Variants in TP53BP1 observed in about 807,000 individuals in gnomAD.
TP53BP1 encodes the protein TP53-binding protein 1.
A neutral mutation model predicts 200.8 loss-of-function variants in TP53BP1; 61 were observed. The observed-to-expected ratio is 0.30, with a 90% CI of 0.25 to 0.38. TP53BP1 has a LOEUF of 0.38. TP53BP1 is among the 10% of genes least tolerant of loss of function. The pLI, the probability that TP53BP1 is intolerant of heterozygous loss-of-function variation, is 1.00. For synonymous variants in TP53BP1, 822 were observed against 844.3 expected, an observed-to-expected ratio of 0.97 and a Z score of 0.46; for missense variants, 2,144 against 2,371.9, an observed-to-expected ratio of 0.90 and a Z score of 2.00.
rs577551489 is a variant in TP53BP1, at chr15:43,492,769, C to A, written c.7+268G>T. Among the ~76,000 whole-genome samples, 9 of 150,658 alleles carry A rather than the reference C, an allele frequency of 6.0e-5. 1 individual carries two copies. The East Asian group carries it at 1.6e-3, about 26-fold the overall frequency. On this transcript the variant is annotated intron_variant, in intron 1 of 27. Transcript: ENST00000382044. ...CTCCCCGCCCCTTTTTCCATCCCCC[C>A]CGCCACGTCCTTCTGGCGCCTCTAC...
rs1219307958 is a variant in TP53BP1 at position 43,456,002 on chromosome 15, G to T, written c.2606C>A (p.Thr869Lys). ...TGCATTAGCCATTTTTGAGTCTTCT[G>T]TTAATGAATTACTTGTTTTCTCCTG... ...QTQEKTSNSL[T>K]EDSKMANAKQ... Residue 869 changes from threonine to lysine, a missense_variant, in exon 12 of 28, where the codon ACA (threonine) becomes AAA (lysine). Transcript: ENST00000382044. 2.5e-6 allele frequency: 4 copies of T among 1,613,918 alleles called. No individual in the cohort carries two copies. In the East Asian group the frequency reaches 8.9e-5, roughly 36 times the overall value.
chr15:43,472,373 AT>A (rs552764976), intron 10 of TP53BP1, among the ~76,000 whole-genome samples: 69 of 152,334 alleles, frequency 4.5e-4, no homozygotes, highest in African/African-American at 1.6e-3. Context: ...AAATCATAGA[AT>A]TTATTAGAAA....
intron 11 of TP53BP1, among the ~76,000 whole-genome samples, chr15:43,467,651 C>G (rs970016075): frequency 2.6e-5 from 4 of 152,160 alleles, no homozygotes; most frequent in African/African-American, 9.7e-5. Context: ...ACCCCCCCAA[C>G]CAGCAGGAAT....
intron 1 of TP53BP1, among the ~76,000 whole-genome samples, chr15:43,498,231 G>C (rs1325386131): frequency 2.0e-5 from 3 of 152,154 alleles, no homozygotes; most frequent in East Asian, 3.8e-4. Context: ...TATGGTGAAA[G>C]AGGGTATATA....
chr15:43,408,838 C>T, intron 26 of TP53BP1, 59 bp downstream of exon 26: 3 of 1,537,596 alleles, frequency 2.0e-6, no homozygotes, highest in South Asian at 2.2e-5. Context: ...AGATTCTCTT[C>T]CCTCCAAAGC....
intron 21 of TP53BP1, among the ~76,000 whole-genome samples, chr15:43,419,991 T>C (rs1184625009): frequency 6.6e-6 from 1 of 152,188 alleles, no homozygotes; most frequent in East Asian, 1.9e-4. Context: ...TTGACAAACG[T>C]CCCATACTAA....
chr15:43,469,911 G>A lies in TP53BP1; in HGVS notation c.1336C>T (p.Pro446Ser). The A allele has an allele frequency of 6.2e-7, 1 of 1,614,064 alleles. No individual in the cohort carries two copies. Among genetic ancestry groups the A allele is most frequent in the Non-Finnish European group, 8.5e-7 (1 of 1,180,036 alleles). ...GGAAGTGACCCAGGAGGGAAGACTG[G>A]TGTGCTCTGAGATATTGGTGTTGAG... ...QASTPISQSTPVFPPGSLPIP... is the reference protein window; with the variant it reads ...QASTPISQSTSVFPPGSLPIP... The change falls in exon 11 of 28, where the codon CCA becomes TCA. Residue 446 changes from proline (P) to serine (S), a missense_variant. By Grantham distance (74) the Pro-to-Ser change is moderately conservative. Transcript: ENST00000382044.
In TP53BP1 at chr15:43,415,757, G is replaced by A. The variant is rs369627426; in HGVS notation, c.4926C>T (p.Ala1642=). ...TGCTGCTACTGGAGGCAGTAGGGGT[G>A]GCTGGGGAGCTGACGTTACTGCGCC... ...RKRRSNVSSP[A]TPTASSSSST... is the part of the protein sequence containing the mutation. Residue 1642 remains alanine (A), a synonymous_variant, in exon 23 of 28, where the codon GCC becomes GCT. Transcript: ENST00000382044. 1.2e-6 allele frequency: 2 copies of A among 1,614,080 alleles called. No homozygotes were observed. Among genetic ancestry groups the A allele is most frequent in the African/African-American group, 2.7e-5 (2 of 74,922 alleles).
chr15:43,441,261 GAA>G (rs1344327746), intron 15 of TP53BP1: 4 of 326,150 alleles, frequency 1.2e-5, no homozygotes, highest in Non-Finnish European at 2.2e-5. Flanking sequence ...ATCAGCAACA[GAA>G]AAAAGGGGGG....
rs149275471 is a variant in TP53BP1 at position 43,413,913 on chromosome 15, A to C, written c.5090-579T>G. 4.4e-4 allele frequency: 151 copies of C among 344,510 alleles called. 1 individual carries two copies. The highest frequency in any genetic ancestry group is 3.2e-3 in the African/African-American group (146 of 46,238). The allele number at this position is 344,510 out of a possible 1,614,324, so 21.3% of individuals were successfully genotyped here. ...ACTTGGTAATAAAGTGTTTTTACAC[A>C]TAGATGGTGCCACATCAAAATAGCC... On this transcript the variant is annotated intron_variant, in intron 23 of 27. Coordinates refer to ENST00000382044, the MANE Select transcript of TP53BP1 (RefSeq NM_001141980.3).
intron 4 of TP53BP1, among the ~76,000 whole-genome samples, chr15:43,483,233 A>ACAC: frequency 7.0e-6 from 1 of 142,822 alleles, no homozygotes. Flanking sequence ...AAAAGTACAG[A>ACAC]ACACACACAC....
rs746428871 is a variant in TP53BP1, at chr15:43,428,146, G to A, written c.3698C>T (p.Pro1233Leu). ...HSQGEEEFDM[P>L]QPPHGHVLHR... ...TAAGACATGGCCATGTGGAGGCTGAGGCATATCAAACTCTTCTTCTCCCTG... is the reference window on the plus strand; with the variant it reads ...TAAGACATGGCCATGTGGAGGCTGAAGCATATCAAACTCTTCTTCTCCCTG... Residue 1233 changes from proline to leucine, a missense_variant, in exon 18 of 28, where the codon CCT becomes CTT. Transcript: ENST00000382044. The A allele has an allele frequency of 5.6e-6, 9 of 1,613,846 alleles. No homozygotes were observed. The highest frequency in any genetic ancestry group is 5.9e-6 in the Non-Finnish European group (7 of 1,179,868).
chr15:43,406,808 T>C lies in TP53BP1; in HGVS notation c.*575A>G, dbSNP rs1224097189. 5.7e-6 allele frequency: 2 copies of C among 351,018 alleles called. No homozygotes were observed. Among genetic ancestry groups the C allele is most frequent in the Admixed American group, 3.7e-5 (1 of 27,370 alleles). 21.7% of individuals were successfully genotyped at this position (351,018 alleles called of 1,614,324 possible). ...ACGGAAGGTCATTCCATCAAGCTTATGGTCACTGTCCCTTCATGGCAGTTG... is the reference window on the plus strand; with the variant it reads ...ACGGAAGGTCATTCCATCAAGCTTACGGTCACTGTCCCTTCATGGCAGTTG... On this transcript the variant is annotated 3_prime_UTR_variant, in exon 28 of 28. Transcript: ENST00000382044.
In TP53BP1 at chr15:43,409,713, C is replaced by G; in HGVS notation, c.5334G>C (p.Lys1778Asn). 4.5e-6 allele frequency: 7 copies of G among 1,560,316 alleles called. No homozygotes were observed. The highest frequency in any genetic ancestry group is 6.1e-6 in the Non-Finnish European group (7 of 1,155,250). The change falls in exon 25 of 28, where the codon AAG (lysine) becomes AAC (asparagine). Residue 1778 changes from lysine to asparagine, a missense_variant. This residue lies in a region of TP53BP1 where 334 missense variants were observed against 453.4 expected (regional missense o/e 0.74). Transcript: ENST00000382044. ...EEFLEIPPFN[K>N]QYTESQLRAG... ...CTCGAAGCTGGGATTCTGTATACTG[C>G]TTGTTGAAAGGAGGAATTTCCAAAA...
At position 43,413,110 on chromosome 15, in the gene TP53BP1, AG is replaced by A; in HGVS notation, c.5305+8del. On this transcript the variant is annotated splice_region_variant and intron_variant, in intron 24 of 27. Coordinates refer to ENST00000382044, the MANE Select transcript of TP53BP1 (RefSeq NM_001141980.3). Reference sequence around the variant, plus strand: ...GTGTCAGAGCTCCCAGGGCTTCCTAAGGCCTTACCCTCCTCTTCTTCACTGC... The same window carrying A: ...GTGTCAGAGCTCCCAGGGCTTCCTAAGCCTTACCCTCCTCTTCTTCACTGC... 1 of 1,613,962 alleles carries A rather than the reference AG, an allele frequency of 6.2e-7. No individual in the cohort carries two copies. Among genetic ancestry groups the A allele is most frequent in the Non-Finnish European group, 8.5e-7 (1 of 1,179,890 alleles).
At chr15:43,506,030 A>G (rs1370310904) in intron 1 of TP53BP1, among the ~76,000 whole-genome samples, 1 of 152,160 alleles carries the variant, frequency 6.6e-6, no homozygotes, top group African/African-American at 2.4e-5. Context: ...GCAGGGCTGG[A>G]GTTCTGCCAA....
chr15:43,474,748 C>T lies in TP53BP1; in HGVS notation c.1105G>A (p.Ala369Thr). The part of the protein sequence containing the change: ...SLSTNSSDLV[A>T]PSPDAFRSTP... ...GATCGGAAAGCATCAGGAGAAGGAG[C>T]AACAAGATCTGAAGAATTCCTTTAT... is the stretch of plus-strand genomic sequence containing the variant. Residue 369 changes from alanine to threonine, a missense_variant, in exon 10 of 28, where the codon GCT (alanine) becomes ACT (threonine). Around this residue, in one of 4 missense-constraint regions of TP53BP1, gnomAD observed 1,700 missense variants for 1,710.3 expected, o/e 0.99. Transcript: ENST00000382044. 6.2e-7 allele frequency: 1 copy of T among 1,611,466 alleles called. No individual in the cohort carries two copies. Among genetic ancestry groups the T allele is most frequent in the South Asian group, 1.1e-5 (1 of 91,010 alleles).
intron 26 of TP53BP1, 134 bp downstream of exon 26, chr15:43,408,763 T>C: frequency 1.2e-6 from 1 of 866,114 alleles, no homozygotes. Flanking sequence ...CCTGAAGTCA[T>C]TTCAAACCCA....
In TP53BP1 at chr15:43,467,647, C is replaced by T. The variant is rs145356970; in HGVS notation, c.1389+2211G>A. ...GTGGCCAGGCATCATCTCCACCCCC[C>T]CAACCAGCAGGAATACCTTTCCAAA... On this transcript the variant is annotated intron_variant, in intron 11 of 27. Transcript: ENST00000382044. Among the ~76,000 whole-genome samples the T allele has an allele frequency of 1.0e-3, 152 of 152,268 alleles. 2 individuals are homozygous for T. Among genetic ancestry groups the T allele is most frequent in the Middle Eastern group, 3.4e-3 (1 of 294 alleles).
Sources: gnomAD v4.1 joint callset for allele counts (sites outside exome capture counted in the v4.1 genomes callset) on GRCh38, gnomAD v4.1.1 for gene constraint, gnomAD v4.1.1 regional missense constraint, MANE v1.5 for transcripts, NCBI Gene and HGNC (gene_info 2026-07-23, HGNC 2026-07-21) for gene names.